The following ZFHX3 variants were observed in gnomAD, a reference collection of about 807,000 sequenced individuals.
The protein encoded by ZFHX3 is zinc finger homeobox 3.
Under a neutral mutation model 279.1 loss-of-function variants are expected in ZFHX3, and 42 were observed. The observed-to-expected ratio is 0.15, with a 90% CI of 0.12 to 0.19. The LOEUF is 0.19. ZFHX3 is among the 10% of genes least tolerant of loss of function. The pLI is 1.00. For missense variants in ZFHX3, 4,981 were observed against 4,754.0 expected (o/e 1.05, Z -1.40); for synonymous variants, 2,293 against 1,957.8 (o/e 1.17, Z -4.52).
chr16:73,837,794 G>A (rs866980319), intron 1 of ZFHX3, among the ~76,000 whole-genome samples: 16 of 152,072 alleles, frequency 1.1e-4, no homozygotes, highest in African/African-American at 3.9e-4. Context: ...GCGCCACCAC[G>A]CCCGGCTAAT....
At chr16:73,708,156 C>G (rs912226947) in intron 1 of ZFHX3, among the ~76,000 whole-genome samples, 2 of 152,004 alleles carry the variant, frequency 1.3e-5, no homozygotes, top group African/African-American at 4.8e-5. Context: ...AGCAAACAAC[C>G]CTTGAGTGAC....
chr16:73,603,434 G>A (rs983431864), intron 2 of ZFHX3, among the ~76,000 whole-genome samples: 7 of 152,162 alleles, frequency 4.6e-5, no homozygotes, highest in African/African-American at 1.4e-4. Flanking sequence ...TTAAGACATT[G>A]AGGCATTCTT....
chr16:73,227,197 T>G (rs2012621954), intron 5 of ZFHX3, among the ~76,000 whole-genome samples: 1 of 152,124 alleles, frequency 6.6e-6, no homozygotes, highest in African/African-American at 2.4e-5. Flanking sequence ...GATAATAAAG[T>G]AAAGAGAGAA....
chr16:72,932,491 C>T (rs1959872086), intron 3 of ZFHX3, among the ~76,000 whole-genome samples: 1 of 151,530 alleles, frequency 6.6e-6, no homozygotes, highest in South Asian at 2.1e-4. Flanking sequence ...CCTACAAACA[C>T]ACACTTAGTG....
At chr16:73,321,312 T>TA (rs2015569582) in intron 3 of ZFHX3, among the ~76,000 whole-genome samples, 1 of 152,188 alleles carries the variant, frequency 6.6e-6, no homozygotes, top group Admixed American at 6.5e-5. Flanking sequence ...ATTAGAGACC[T>TA]GCTGTCACTA....
At chr16:73,495,079 T>C (rs1567501005) in intron 2 of ZFHX3, among the ~76,000 whole-genome samples, 1 of 152,224 alleles carries the variant, frequency 6.6e-6, no homozygotes, top group Non-Finnish European at 1.5e-5. Flanking sequence ...ATATTGGCTG[T>C]ATCTCTTTAC....
At chr16:73,161,908 G>A (rs1383560531) in intron 5 of ZFHX3, among the ~76,000 whole-genome samples, 1 of 152,166 alleles carries the variant, frequency 6.6e-6, no homozygotes, top group Non-Finnish European at 1.5e-5. Flanking sequence ...AAGAAGAGGG[G>A]TGTGTCTCTA....
chr16:73,564,582 C>T (rs1458239379), intron 2 of ZFHX3, among the ~76,000 whole-genome samples: 1 of 152,170 alleles, frequency 6.6e-6, no homozygotes, highest in Admixed American at 6.5e-5. Context: ...ATCCCTACCC[C>T]AGCCAGAGCA....
At chr16:73,688,081 G>A (rs908651207) in intron 1 of ZFHX3, among the ~76,000 whole-genome samples, 3 of 151,978 alleles carry the variant, frequency 2.0e-5, no homozygotes, top group Non-Finnish European at 2.9e-5. Context: ...TTGAGCCTGG[G>A]CACAGTGGCT....
rs1005634892 is a variant in ZFHX3, at chr16:73,445,627, GA to G, written c.-1291+10375del. On this transcript the variant is annotated intron_variant, in intron 3 of 17. Transcript: ENST00000641206. ...TCACATAGTGTGCCCCAGCATAGGG[GA>G]AAAAATGGTAAAATGTTCCTCTGGA... 2.3e-3 allele frequency among the ~76,000 whole-genome samples: 348 copies of G among 152,136 alleles called. 1 individual carries two copies. Among genetic ancestry groups the G allele is most frequent in the African/African-American group, 8.1e-3 (336 of 41,512 alleles).
intron 4 of ZFHX3, among the ~76,000 whole-genome samples, chr16:72,878,934 T>C (rs12445743): frequency 0.046 from 7,055 of 152,212 alleles, 339 homozygotes; most frequent in African/African-American, 0.11. Context: ...CCTAGCGACA[T>C]GAGACATCCA....
At chr16:73,331,141 T>G (rs1399876242) in intron 3 of ZFHX3, among the ~76,000 whole-genome samples, 1 of 152,160 alleles carries the variant, frequency 6.6e-6, no homozygotes, top group East Asian at 1.9e-4. Flanking sequence ...ACACCCTTCT[T>G]CACATGGTGG....
chr16:73,600,889 C>A (rs1477940709), intron 2 of ZFHX3, among the ~76,000 whole-genome samples: 2 of 152,078 alleles, frequency 1.3e-5, no homozygotes, highest in African/African-American at 4.8e-5. Flanking sequence ...GGGATTGGAA[C>A]CCAGTCTAAC....
At chr16:73,111,461 G>C (rs929133822) in intron 7 of ZFHX3, among the ~76,000 whole-genome samples, 3 of 152,126 alleles carry the variant, frequency 2.0e-5, no homozygotes, top group South Asian at 4.1e-4. Flanking sequence ...GGCTCTTGCT[G>C]TCTATAGGAA....
rs572951359 is a variant in ZFHX3 at position 73,137,683 on chromosome 16, G to C, written c.-1024+6069C>G. The C allele has an allele frequency of 7.2e-5, 11 of 152,186 alleles. No individual in the cohort carries two copies. In the South Asian group the frequency reaches 2.3e-3, roughly 32 times the overall value. The allele number at this position is 152,186 out of a possible 1,614,324, so 9.4% of individuals were successfully genotyped here. ...AAATAATAACTGTGGTCCTAAAACAGTAATAGATGTTGAATGATACAAACA... is the reference window on the plus strand; with the variant it reads ...AAATAATAACTGTGGTCCTAAAACACTAATAGATGTTGAATGATACAAACA... On this transcript the variant is annotated intron_variant, in intron 6 of 17. Coordinates refer to the ZFHX3 transcript ENST00000641206.
intron 3 of ZFHX3, among the ~76,000 whole-genome samples, chr16:72,933,823 T>TTTC (rs1959958814): frequency 2.8e-5 from 4 of 141,906 alleles, no homozygotes; most frequent in African/African-American, 7.7e-5. Flanking sequence ...CTTTTTTTTT[T>TTTC]TTTTTTTTTT....
chr16:73,214,190 C>G (rs1417987776), intron 5 of ZFHX3, among the ~76,000 whole-genome samples: 2 of 152,178 alleles, frequency 1.3e-5, no homozygotes, highest in Non-Finnish European at 1.5e-5. Context: ...CTTCAACACT[C>G]CAGCTCAAAT....
chr16:73,313,667 T>C (rs943449066), intron 4 of ZFHX3, among the ~76,000 whole-genome samples: 8 of 152,196 alleles, frequency 5.3e-5, no homozygotes, highest in Admixed American at 2.6e-4. Flanking sequence ...TCATCATCAC[T>C]GTCATTTTCC....
chr16:72,889,868 A>G lies in ZFHX3; in HGVS notation c.3311T>C (p.Ile1104Thr), dbSNP rs1473493577. The G allele has an allele frequency of 6.2e-7, 1 of 1,614,132 alleles. No homozygotes were observed. The highest frequency in any genetic ancestry group is 1.3e-5 in the African/African-American group (1 of 75,066). Residue 1104 changes from isoleucine (I) to threonine (T), a missense_variant, in exon 4 of 10, where the codon ATC becomes ACC. By Grantham distance (89) the Ile-to-Thr change is moderately conservative. Transcript: ENST00000268489. The stretch of plus-strand genomic sequence containing the variant: ...GTGCTTCATGGAGCGCACATGCTGG[A>G]TGAGGTTGAGCTTGGCCTTGGTGGA... ...NYSTKAKLNLIQHVRSMKHQR... is the reference protein window; with the variant it reads ...NYSTKAKLNLTQHVRSMKHQR...
Sources: gnomAD v4.1 joint callset for allele counts (sites outside exome capture counted in the v4.1 genomes callset) on GRCh38, gnomAD v4.1.1 for gene constraint, MANE v1.5 for transcripts, NCBI Gene and HGNC (gene_info 2026-07-23, HGNC 2026-07-21) for gene names.